ZNF473: variants seen among roughly 807,000 people sequenced by gnomAD.
ZNF473 encodes zinc finger protein 100 homolog.
ZNF473 carries 4 observed loss-of-function variants against 11.1 expected under a neutral mutation model. The observed-to-expected ratio is 0.36, with a 90% CI of 0.18 to 0.82. ZNF473 has a LOEUF of 0.82. ZNF473 is among the 40% of genes least tolerant of loss of function. The pLI is 0.49. For synonymous variants in ZNF473, 404 were observed against 390.4 expected, an observed-to-expected ratio of 1.03 and a Z score of -0.41; for missense variants, 854 against 1,084.0, an observed-to-expected ratio of 0.79 and a Z score of 2.98.
intron 2 of ZNF473, among the ~76,000 whole-genome samples, chr19:50,031,565 C>T (rs1418799672): frequency 6.6e-6 from 1 of 152,110 alleles, no homozygotes; most frequent in Non-Finnish European, 1.5e-5. Context: ...GCTCAGTTCC[C>T]CCACCCTTCC....
intron 3 of ZNF473, 38 bp from the exon 4 acceptor site, chr19:50,041,692 T>C: frequency 1.3e-6 from 2 of 1,560,096 alleles, no homozygotes; most frequent in South Asian, 1.2e-5. Context: ...TGGTCCTCCA[T>C]GTCCTGGTTG....
chr19:50,039,813 C>G lies in ZNF473; in HGVS notation c.136+526C>G, dbSNP rs1978673785. 6.6e-6 allele frequency among the ~76,000 whole-genome samples: 1 copy of G among 152,214 alleles called. No individual in the cohort carries two copies. Among genetic ancestry groups the G allele is most frequent in the South Asian group, 2.1e-4 (1 of 4,834 alleles). ...TCTCCTACTCATCTTGTCTGTCGCT[C>G]CCTCACGTTCTAACTACCATTGTAT... On this transcript the variant is annotated intron_variant, in intron 3 of 4. Coordinates refer to ENST00000270617, the MANE Select transcript of ZNF473 (RefSeq NM_015428.4). The surrounding 1 kb of genome is among the most constrained non-coding windows in gnomAD (Gnocchi z 4.8).
Position 50,039,337 on chromosome 19 carries a change from C to T in ZNF473, c.136+50C>T. On this transcript the variant is annotated intron_variant, in intron 3 of 4. Coordinates refer to ENST00000270617, the MANE Select transcript of ZNF473 (RefSeq NM_015428.4). This position sits in a 1 kb window ranked among gnomAD's most constrained non-coding sequence, Gnocchi z 4.8. ...CCTACTCACTGCCCTGCTTGGTGAT[C>T]ACCCATGCTCTCTACCACCCACAGG... The T allele has an allele frequency of 1.9e-6, 3 of 1,606,414 alleles. No homozygotes were observed. Among genetic ancestry groups the T allele is most frequent in the Non-Finnish European group, 2.6e-6 (3 of 1,174,890 alleles).
At chr19:50,037,585 C>T (rs1978518356) in intron 2 of ZNF473, among the ~76,000 whole-genome samples, 1 of 151,552 alleles carries the variant, frequency 6.6e-6, no homozygotes, top group Admixed American at 6.6e-5. Flanking sequence ...CTTCAGGAGG[C>T]AGGGGCAGGA....
In ZNF473 at chr19:50,045,191, G is replaced by A; in HGVS notation, c.748G>A (p.Ala250Thr). Residue 250 changes from alanine to threonine, a missense_variant, in exon 5 of 5, where the codon GCT becomes ACT. By Grantham distance (58) the Ala-to-Thr change is moderately conservative. Transcript: ENST00000270617. ...QECEQGFDRN[A>T]SLSVYPKTHT... ...GTGTGAGCAAGGTTTTGACCGGAAT[G>A]CTTCCCTTTCTGTGTATCCGAAAAC... The A allele has an allele frequency of 6.2e-7, 1 of 1,614,162 alleles. No individual in the cohort carries two copies. The highest frequency in any genetic ancestry group is 1.1e-5 in the South Asian group (1 of 91,086).
intron 1 of ZNF473, among the ~76,000 whole-genome samples, chr19:50,029,399 G>T (rs2077305114): frequency 6.6e-6 from 1 of 152,222 alleles, no homozygotes; most frequent in South Asian, 2.1e-4. Context: ...GCCTGCCTTG[G>T]CCTCCCAAAG....
At chr19:50,040,565 G>C (rs1459003080) in intron 3 of ZNF473, 1 of 152,320 alleles carries the variant, frequency 6.6e-6, no homozygotes, top group Non-Finnish European at 1.5e-5. Flanking sequence ...AGCCTGCTGT[G>C]TCGCCCTCTT....
intron 4 of ZNF473, 178 bp downstream of exon 4, chr19:50,041,997 T>C: frequency 6.0e-6 from 3 of 504,032 alleles, no homozygotes; most frequent in Non-Finnish European, 1.0e-5. Context: ...ATCAGGACAT[T>C]TTTATAGACC....
rs910572705 is a variant in ZNF473, at chr19:50,026,005, A to C, written c.-309A>C. ...CGGAGGATCCTGGGTGCAGCCGCTC[A>C]GAGAAGCTTCTCGCGCACAGGAAGT... On this transcript the variant is annotated 5_prime_UTR_variant, in exon 1 of 5. Transcript: ENST00000270617. The C allele has an allele frequency of 6.6e-6, 1 of 152,628 alleles. No individual in the cohort carries two copies. Among genetic ancestry groups the C allele is most frequent in the Non-Finnish European group, 1.5e-5 (1 of 68,050 alleles). The allele number at this position is 152,628 out of a possible 1,614,324, so 9.5% of individuals were successfully genotyped here. A position where few individuals can be genotyped will look rare whatever the true frequency, so the allele number is the denominator to read the frequency against.
Position 50,045,374 on chromosome 19 carries a change from C to A in ZNF473, c.931C>A (p.Gln311Lys), listed in dbSNP as rs1280934607. The A allele has an allele frequency of 3.1e-6, 5 of 1,614,034 alleles. No individual in the cohort carries two copies. The African/African-American group carries it at 5.3e-5, about 17-fold the overall frequency. The change falls in exon 5 of 5, where the codon CAG (glutamine) becomes AAG (lysine). Residue 311 changes from glutamine to lysine, a missense_variant. Physicochemically the swap from Gln to Lys is moderately conservative, Grantham distance 53. Around this residue, in one of 2 missense-constraint regions of ZNF473, gnomAD observed 668 missense variants for 790.2 expected, o/e 0.85. Transcript: ENST00000270617. ...PSHDTQPGEHQKTHTDSKSYN... is the reference protein window; with the variant it reads ...PSHDTQPGEHKKTHTDSKSYN... ...TCATGACACACAGCCTGGTGAGCAT[C>A]AGAAAACTCACACAGATAGTAAGTC...
Position 50,039,344 on chromosome 19 carries a change from G to C in ZNF473, c.136+57G>C. On this transcript the variant is annotated intron_variant, in intron 3 of 4. Coordinates refer to ENST00000270617, the MANE Select transcript of ZNF473 (RefSeq NM_015428.4). This position sits in a 1 kb window ranked among gnomAD's most constrained non-coding sequence, Gnocchi z 4.8. ...ACTGCCCTGCTTGGTGATCACCCAT[G>C]CTCTCTACCACCCACAGGGTGAAGT... is the stretch of plus-strand genomic sequence containing the variant. 1.2e-6 allele frequency: 2 copies of C among 1,604,048 alleles called. No individual in the cohort carries two copies. The highest frequency in any genetic ancestry group is 1.7e-6 in the Non-Finnish European group (2 of 1,173,518).
At position 50,047,631 on chromosome 19, in the gene ZNF473, T is replaced by G. The variant is rs953596774; in HGVS notation, c.*572T>G. On this transcript the variant is annotated 3_prime_UTR_variant, in exon 5 of 5. Coordinates refer to ENST00000270617, the MANE Select transcript of ZNF473 (RefSeq NM_015428.4). Reference sequence around the variant, plus strand: ...CTTTACTCTTCTTAAGTGCCTGGCCTTTTTTGTCCCTTTATCTCTCCTGGT... The same window carrying G: ...CTTTACTCTTCTTAAGTGCCTGGCCGTTTTTGTCCCTTTATCTCTCCTGGT... 4.6e-5 allele frequency: 7 copies of G among 152,580 alleles called. No individual in the cohort carries two copies. Among genetic ancestry groups the G allele is most frequent in the Admixed American group, 4.6e-4 (7 of 15,350 alleles). The allele number at this position is 152,580 out of a possible 1,614,324, so 9.5% of individuals were successfully genotyped here.
intron 2 of ZNF473, among the ~76,000 whole-genome samples, chr19:50,038,420 A>C (rs1978589859): frequency 6.6e-6 from 1 of 152,010 alleles, no homozygotes; most frequent in African/African-American, 2.4e-5. Context: ...TTTCCCCCAG[A>C]AGCTGTATTG....
Position 50,046,785 on chromosome 19 carries a change from C to T in ZNF473, c.2342C>T (p.Thr781Ile). The T allele has an allele frequency of 6.2e-7, 1 of 1,614,176 alleles. No individual in the cohort carries two copies. The highest frequency in any genetic ancestry group is 8.5e-7 in the Non-Finnish European group (1 of 1,180,014). The change falls in exon 5 of 5, where the codon ACT becomes ATT. Residue 781 changes from threonine (T) to isoleucine (I), a missense_variant. Coordinates refer to ENST00000270617, the MANE Select transcript of ZNF473 (RefSeq NM_015428.4). The surrounding 1 kb of genome is among the most constrained non-coding windows in gnomAD (Gnocchi z 5.9). Reference sequence around the variant, plus strand: ...CTTTCTATTCACCGGAGAGTTCACACTGGGGAGAAGCCCTACAGATGTGGT... The same window carrying T: ...CTTTCTATTCACCGGAGAGTTCACATTGGGGAGAAGCCCTACAGATGTGGT... The part of the protein sequence containing the change: ...SCLSIHRRVH[T>I]GEKPYRCGEC...
At chr19:50,033,847 C>T (rs895743519) in intron 2 of ZNF473, among the ~76,000 whole-genome samples, 2 of 152,120 alleles carry the variant, frequency 1.3e-5, no homozygotes, top group Non-Finnish European at 2.9e-5. Flanking sequence ...GATTCCTTGT[C>T]TCCCTCTTAT....
rs907804262 is a variant in ZNF473, at chr19:50,045,303, C to G, written c.860C>G (p.Thr287Ser). The change falls in exon 5 of 5, where the codon ACT becomes AGT. Residue 287 changes from threonine to serine, a missense_variant. Thr to Ser is a moderately conservative substitution (Grantham distance 58, BLOSUM62 1). Around this residue, in one of 2 missense-constraint regions of ZNF473, gnomAD observed 668 missense variants for 790.2 expected, o/e 0.85. Transcript: ENST00000270617. ...TACCTGTGGCATCAGAAAACTCACA[C>G]TGGAGAAAAACCATGTAAGAGTCAA... ...STYLWHQKTHTGEKPCKSQDS... is the reference protein window; with the variant it reads ...STYLWHQKTHSGEKPCKSQDS... The G allele has an allele frequency of 1.2e-6, 2 of 1,614,206 alleles. No homozygotes were observed. The highest frequency in any genetic ancestry group is 8.5e-7 in the Non-Finnish European group (1 of 1,180,038).
chr19:50,045,257 A>G lies in ZNF473; in HGVS notation c.814A>G (p.Thr272Ala), dbSNP rs747418839. The change falls in exon 5 of 5, where the codon ACA (threonine) becomes GCA (alanine). Residue 272 changes from threonine (T) to alanine (A), a missense_variant. Transcript: ENST00000270617. The stretch of plus-strand genomic sequence containing the variant: ...ATTCTATGTGTGTAATGAATATGGG[A>G]CAACTTTTAGTCAGAGTACATACCT... Reference protein sequence around the residue: ...YKFYVCNEYGTTFSQSTYLWH... With the variant: ...YKFYVCNEYGATFSQSTYLWH... 1 of 1,614,188 alleles carries G rather than the reference A, an allele frequency of 6.2e-7. No homozygotes were observed. Among genetic ancestry groups the G allele is most frequent in the South Asian group, 1.1e-5 (1 of 91,082 alleles).
Position 50,030,903 on chromosome 19 carries a change from T to C in ZNF473, c.-180T>C, listed in dbSNP as rs200139375. 24 of 797,554 alleles carry C rather than the reference T, an allele frequency of 3.0e-5. No homozygotes were observed. Among genetic ancestry groups the C allele is most frequent in the African/African-American group, 1.0e-4 (6 of 58,512 alleles). The allele number at this position is 797,554 out of a possible 1,614,324, so 49.4% of individuals were successfully genotyped here. Reference sequence around the variant, plus strand: ...GTTGTCCCCTGCAGGGAGACTCACATTGGGACTTGTCCTCCTCCTCCTGGA... The same window carrying C: ...GTTGTCCCCTGCAGGGAGACTCACACTGGGACTTGTCCTCCTCCTCCTGGA... On this transcript the variant is annotated 5_prime_UTR_variant, in exon 2 of 5. Transcript: ENST00000270617.
intron 1 of ZNF473, among the ~76,000 whole-genome samples, chr19:50,027,139 T>C (rs2077288132): frequency 6.6e-6 from 1 of 152,114 alleles, no homozygotes; most frequent in South Asian, 2.1e-4. Flanking sequence ...AGAAAGCTAA[T>C]AGGGTGCATA....
Sources: gnomAD v4.1 joint callset for allele counts (sites outside exome capture counted in the v4.1 genomes callset) on GRCh38, gnomAD v4.1.1 for gene constraint, gnomAD v4.1.1 regional missense constraint, Gnocchi (gnomAD v3.1) non-coding constraint, MANE v1.5 for transcripts, NCBI Gene and HGNC (gene_info 2026-07-23, HGNC 2026-07-21) for gene names.